The following EYS variants were observed in gnomAD, a reference collection of about 807,000 sequenced individuals.
The protein encoded by EYS is EGF-like photoreceptor maintenance factor.
EYS carries 250 observed loss-of-function variants against 282.1 expected under a neutral mutation model. The observed-to-expected ratio is 0.89, with a 90% confidence interval of 0.80 to 0.98. The LOEUF (loss-of-function observed/expected upper bound fraction) is 0.98, where lower values mean the gene tolerates loss of function less well. Among genes scored for constraint, EYS ranks in the 50% least tolerant of loss-of-function variants. The pLI, the probability that EYS is intolerant of heterozygous loss-of-function variation, is 0.00. For missense variants in EYS, 4,016 were observed against 3,709.0 expected (o/e 1.08, Z -2.15); for synonymous variants, 1,355 against 1,282.9 (o/e 1.06, Z -1.20).
chr6:65,494,165 T>C (rs975126758), intron 4 of EYS, among the ~76,000 whole-genome samples: 5 of 152,166 alleles, frequency 3.3e-5, no homozygotes, highest in Admixed American at 1.3e-4. Context: ...AGCAAAAAGC[T>C]TATTTTGGAG....
intron 22 of EYS, among the ~76,000 whole-genome samples, chr6:64,686,065 A>G (rs1476366230): frequency 2.0e-5 from 3 of 152,074 alleles, no homozygotes; most frequent in Admixed American, 1.3e-4. Context: ...AATGAAAAAA[A>G]CAAGAGAAAT....
At chr6:64,215,746 C>CA (rs1399974850) in intron 31 of EYS, among the ~76,000 whole-genome samples, 1 of 151,932 alleles carries the variant, frequency 6.6e-6, no homozygotes, top group East Asian at 1.9e-4. Flanking sequence ...AATATAAAAG[C>CA]AATGTGGTCA....
chr6:65,475,251 T>A (rs1461420799), intron 5 of EYS, among the ~76,000 whole-genome samples: 1 of 151,970 alleles, frequency 6.6e-6, no homozygotes, highest in Non-Finnish European at 1.5e-5. Context: ...TTCAAAACAC[T>A]AAAAATACAC....
At chr6:64,396,163 AGTT>A (rs575832469) in intron 28 of EYS, among the ~76,000 whole-genome samples, 38 of 152,200 alleles carry the variant, frequency 2.5e-4, no homozygotes, top group African/African-American at 8.7e-4. Context: ...TGAATTGAAT[AGTT>A]TATTTATTTT....
At chr6:64,846,346 T>A (rs932689293) in intron 19 of EYS, among the ~76,000 whole-genome samples, 1 of 152,144 alleles carries the variant, frequency 6.6e-6, no homozygotes, top group African/African-American at 2.4e-5. Context: ...AATTGAATAC[T>A]GTTCACGTTC....
At chr6:65,543,988 C>T (rs6922236) in intron 2 of EYS, among the ~76,000 whole-genome samples, 112,961 of 151,404 alleles carry the variant, frequency 0.75, 42,915 homozygotes, top group African/African-American at 0.89. Flanking sequence ...CCACTTATTA[C>T]TGAAAAAGAG....
intron 2 of EYS, among the ~76,000 whole-genome samples, chr6:65,600,347 C>T (rs1173644596): frequency 1.3e-5 from 2 of 152,014 alleles, no homozygotes; most frequent in Admixed American, 6.6e-5. Flanking sequence ...AGAACCTCAT[C>T]CCAGACTCCT....
intron 19 of EYS, among the ~76,000 whole-genome samples, chr6:64,877,950 A>G (rs1223106661): frequency 6.6e-6 from 1 of 152,146 alleles, no homozygotes; most frequent in African/African-American, 2.4e-5. Flanking sequence ...ACAATAAATG[A>G]GGCTGGGTGC....
chr6:64,391,142 C>T (rs1428146420), intron 28 of EYS, among the ~76,000 whole-genome samples: 4 of 152,084 alleles, frequency 2.6e-5, no homozygotes, highest in South Asian at 2.1e-4. Context: ...ACCAAATCTA[C>T]GACTGATTGG....
chr6:65,612,507 T>C (rs1027494978), intron 2 of EYS, among the ~76,000 whole-genome samples: 1 of 151,744 alleles, frequency 6.6e-6, no homozygotes, highest in Non-Finnish European at 1.5e-5. Context: ...ATTAACTGCA[T>C]TATGGAATAG....
At chr6:64,921,948 A>T (rs887794513) in intron 15 of EYS, among the ~76,000 whole-genome samples, 19 of 152,104 alleles carry the variant, frequency 1.2e-4, no homozygotes, top group Non-Finnish European at 2.6e-4. Context: ...CTGATGAAAA[A>T]TTTTAAAAAA....
rs544719880 is a variant in EYS at position 64,652,461 on chromosome 6, C to A, written c.3444-26216G>T. On this transcript the variant is annotated intron_variant, in intron 22 of 42. Coordinates refer to ENST00000503581, the MANE Select transcript of EYS (RefSeq NM_001142800.2). The stretch of plus-strand genomic sequence containing the variant: ...TCTACCTGACAAAAAATGGAAACCT[C>A]AGTCCTACAACCACAAGGAAATGAA... 2.0e-5 allele frequency among the ~76,000 whole-genome samples: 3 copies of A among 152,232 alleles called. No individual in the cohort carries two copies. The East Asian group carries it at 5.8e-4, about 30-fold the overall frequency.
rs555661081 is a variant in EYS, at chr6:65,099,351, A to T, written c.2024-41624T>A. 2.7e-5 allele frequency among the ~76,000 whole-genome samples: 4 copies of T among 150,922 alleles called. No homozygotes were observed. The South Asian group carries it at 8.3e-4, about 31-fold the overall frequency. ...CATTTATGAATAAAATAAAAATGTC[A>T]TCAAGATTACATATTGAGATTCATT... On this transcript the variant is annotated intron_variant, in intron 12 of 42. Transcript: ENST00000503581.
chr6:64,113,430 G>T (rs541201139), intron 31 of EYS, among the ~76,000 whole-genome samples: 1 of 152,226 alleles, frequency 6.6e-6, no homozygotes, highest in South Asian at 2.1e-4. Flanking sequence ...GTCTCATTAG[G>T]TTGTGAGAAT....
intron 1 of EYS, among the ~76,000 whole-genome samples, chr6:65,653,785 C>A (rs184653226): frequency 1.3e-3 from 193 of 151,874 alleles, no homozygotes; most frequent in Non-Finnish European, 2.6e-3. Context: ...CTTATAAGAG[C>A]TTTTTAGGAA....
chr6:63,850,614 C>A, intron 36 of EYS, among the ~76,000 whole-genome samples: 1 of 152,090 alleles, frequency 6.6e-6, no homozygotes, highest in East Asian at 1.9e-4. Context: ...CCTTTACAGA[C>A]AAGCAAATGT....
chr6:64,304,064 T>C (rs1769344586), intron 30 of EYS, among the ~76,000 whole-genome samples: 1 of 152,168 alleles, frequency 6.6e-6, no homozygotes, highest in African/African-American at 2.4e-5. Context: ...AATTACCCTC[T>C]AGTGGTGTTT....
intron 12 of EYS, among the ~76,000 whole-genome samples, chr6:65,235,296 C>T (rs1271118271): frequency 2.0e-5 from 3 of 152,048 alleles, no homozygotes; most frequent in Admixed American, 1.3e-4. Context: ...CTTAATAGTA[C>T]TGTGACTGAG....
intron 12 of EYS, among the ~76,000 whole-genome samples, chr6:65,216,534 T>C (rs985434289): frequency 6.6e-6 from 1 of 151,928 alleles, no homozygotes; most frequent in African/African-American, 2.4e-5. Context: ...CATTGTGGTG[T>C]GAGAAGCACT....
Sources: allele counts gnomAD v4.1 joint callset (sites outside exome capture counted in the v4.1 genomes callset), GRCh38; gene constraint gnomAD v4.1.1; transcripts MANE v1.5; gene names NCBI Gene and HGNC (gene_info 2026-07-23, HGNC 2026-07-21).